Variants in FBXO10 observed in about 807,000 individuals in gnomAD.
FBXO10 encodes the protein F-box only protein 10.
In FBXO10, 39 loss-of-function variants were observed where a neutral mutation model predicts 80.7. The observed-to-expected ratio is 0.48, with a 90% CI of 0.37 to 0.63. The LOEUF (loss-of-function observed/expected upper bound fraction) is 0.63, where lower values mean the gene tolerates loss of function less well. Ranked by LOEUF, FBXO10 falls within the 30% of genes least tolerant of loss-of-function variation. The probability of loss-of-function intolerance (pLI) is 0.00; values close to 1 mark genes in which losing one functional copy is unlikely to be tolerated. For missense variants in FBXO10, 1,025 were observed against 1,269.0 expected (o/e 0.81, Z 2.92); for synonymous variants, 449 against 489.6 (o/e 0.92, Z 1.09).
chr9:37,571,543 C>T (rs1281757926), intron 1 of FBXO10, among the ~76,000 whole-genome samples: 1 of 151,652 alleles, frequency 6.6e-6, no homozygotes, highest in Admixed American at 6.6e-5. Flanking sequence ...CAGAAAACTG[C>T]AACTGCCCCC....
At chr9:37,513,522 C>T (rs1821113116) in intron 10 of FBXO10, among the ~76,000 whole-genome samples, 1 of 152,048 alleles carries the variant, frequency 6.6e-6, no homozygotes, top group East Asian at 1.9e-4. Context: ...GTGAAAGAAG[C>T]CAGACTCAAA....
At chr9:37,537,982 G>A in intron 2 of FBXO10, 39 bp from the exon 3 acceptor site, 3 of 1,561,642 alleles carry the variant, frequency 1.9e-6, no homozygotes, top group Non-Finnish European at 2.6e-6. Context: ...TAAGAGGGAT[G>A]AGATTGGTTT....
intron 6 of FBXO10, 73 bp from the exon 7 acceptor site, chr9:37,523,050 G>T: frequency 6.5e-7 from 1 of 1,531,574 alleles, no homozygotes. Flanking sequence ...GACTTGGACA[G>T]TTTTGATCAA....
In FBXO10 at chr9:37,521,574, T is replaced by C. The variant is rs756298208; in HGVS notation, c.2195A>G (p.Asn732Ser). ...ALVESNSINH[N>S]GASGLYVQSS... ...GGCTGAGGGGGTATACTCACCTCCA[T>C]TGTGATTAATACTGTTAGACTCAAC... is the stretch of plus-strand genomic sequence containing the variant. The change falls in exon 8 of 11, where the codon AAT becomes AGT. Residue 732 changes from asparagine to serine, a missense_variant. Transcript: ENST00000432825. 3 of 1,605,948 alleles carry C rather than the reference T, an allele frequency of 1.9e-6. No individual in the cohort carries two copies. The highest frequency in any genetic ancestry group is 2.6e-6 in the Non-Finnish European group (3 of 1,174,572).
chr9:37,542,607 A>AG (rs1821951951), intron 1 of FBXO10, among the ~76,000 whole-genome samples: 2 of 151,666 alleles, frequency 1.3e-5, no homozygotes. Flanking sequence ...AAAAAAAAAA[A>AG]AAAAAGGATA....
Position 37,512,691 on chromosome 9 carries a change from T to C in FBXO10, c.2727A>G (p.Pro909=). ...GAGAATTTTCAAGGTGGGGCCGTGC[T>C]GGTGGGTTCACCAGGCGCCACGTAT... ...KSDTWRLVNP[P]ARPHLENSLR... The change falls in exon 11 of 11, where the codon CCA becomes CCG. Residue 909 remains proline, a synonymous_variant. Transcript: ENST00000432825. 1 of 1,613,994 alleles carries C rather than the reference T, an allele frequency of 6.2e-7. No individual in the cohort carries two copies. Among genetic ancestry groups the C allele is most frequent in the Non-Finnish European group, 8.5e-7 (1 of 1,179,884 alleles).
At chr9:37,520,272 A>AC (rs1554756792) in intron 8 of FBXO10, among the ~76,000 whole-genome samples, 16 of 110,082 alleles carry the variant, frequency 1.5e-4, no homozygotes, top group African/African-American at 5.5e-4. Context: ...CACAGTAATT[A>AC]TTTTTTTTTA....
chr9:37,573,831 T>C (rs1423539810), intron 1 of FBXO10, among the ~76,000 whole-genome samples: 4 of 152,246 alleles, frequency 2.6e-5, no homozygotes, highest in African/African-American at 4.8e-5. Flanking sequence ...CATTCCTTTA[T>C]GTATACAGTA....
At chr9:37,522,476 T>C (rs1227552932) in intron 7 of FBXO10, 31 of 1,051,164 alleles carry the variant, frequency 2.9e-5, no homozygotes, top group Non-Finnish European at 3.6e-5. Flanking sequence ...TTTCCCATTA[T>C]ATTTTCCGTT....
Position 37,537,359 on chromosome 9 carries a change from C to A in FBXO10, c.1170G>T (p.Leu390=), listed in dbSNP as rs1305008932. The A allele has an allele frequency of 6.3e-7, 1 of 1,599,372 alleles. No individual in the cohort carries two copies. Among genetic ancestry groups the A allele is most frequent in the South Asian group, 1.1e-5 (1 of 89,564 alleles). The change falls in exon 3 of 11, where the codon CTG becomes CTT. Residue 390 remains leucine (L), a synonymous_variant. Coordinates refer to ENST00000432825, the MANE Select transcript of FBXO10 (RefSeq NM_012166.3). Reference sequence around the variant, plus strand: ...TGGATGCTCCTGGTAGAGGTGGGCCCAGAAATGAGCCCCCCAATACAGGGC... The same window carrying A: ...TGGATGCTCCTGGTAGAGGTGGGCCAAGAAATGAGCCCCCCAATACAGGGC... ...GPRPVLGGSF[L]GPPLPGASIQ...
At chr9:37,568,388 G>A (rs1002865850) in intron 1 of FBXO10, among the ~76,000 whole-genome samples, 1 of 151,890 alleles carries the variant, frequency 6.6e-6, no homozygotes, top group Non-Finnish European at 1.5e-5. Flanking sequence ...AGTAGAGATG[G>A]GGTTTCACCG....
chr9:37,521,544 G>A (rs374984506), intron 8 of FBXO10, 25 bp downstream of exon 8: 4 of 1,534,684 alleles, frequency 2.6e-6, no homozygotes, highest in Non-Finnish European at 3.5e-6. Context: ...AGGTTCTTGA[G>A]CAGGGGCTGA....
chr9:37,532,938 C>T (rs1821666833), intron 3 of FBXO10, among the ~76,000 whole-genome samples: 2 of 152,230 alleles, frequency 1.3e-5, no homozygotes, highest in Admixed American at 1.3e-4. Flanking sequence ...AGGTTCTCCT[C>T]TCCCACCTTC....
chr9:37,525,460 A>C (rs973987022), intron 5 of FBXO10, among the ~76,000 whole-genome samples: 2 of 152,206 alleles, frequency 1.3e-5, no homozygotes, highest in Non-Finnish European at 2.9e-5. Flanking sequence ...GCTTGACCAA[A>C]AACTAAACCC....
chr9:37,570,424 T>C (rs1408240374), intron 1 of FBXO10, among the ~76,000 whole-genome samples: 1 of 149,370 alleles, frequency 6.7e-6, no homozygotes, highest in Non-Finnish European at 1.5e-5. Flanking sequence ...ATAGAGAGAA[T>C]CAAAAAGATA....
At chr9:37,569,753 T>C (rs1464008127) in intron 1 of FBXO10, among the ~76,000 whole-genome samples, 2 of 152,200 alleles carry the variant, frequency 1.3e-5, no homozygotes, top group Non-Finnish European at 2.9e-5. Flanking sequence ...GGAGGATTGC[T>C]TGAGCCAGGA....
chr9:37,520,313 C>CTTTTT (rs11309075), intron 8 of FBXO10, among the ~76,000 whole-genome samples: 1 of 110,936 alleles, frequency 9.0e-6, no homozygotes, highest in African/African-American at 3.6e-5. Context: ...CTTCTACCAT[C>CTTTTT]TTTTTTTTTT....
rs1385231923 is a variant in FBXO10 at position 37,541,513 on chromosome 9, T to C, written c.256A>G (p.Thr86Ala). Residue 86 changes from threonine to alanine, a missense_variant, in exon 2 of 11, where the codon ACC (threonine) becomes GCC (alanine). Thr to Ala is a moderately conservative substitution (Grantham distance 58). Around this residue, in one of 3 missense-constraint regions of FBXO10, gnomAD observed 450 missense variants for 499.4 expected, o/e 0.90. Transcript: ENST00000432825. ...GACTCCAAGTCCAAGGCATTCTTGGTCCATGTCTTGGATGCAAGGTAATGC... is the reference window on the plus strand; with the variant it reads ...GACTCCAAGTCCAAGGCATTCTTGGCCCATGTCTTGGATGCAAGGTAATGC... Reference protein sequence around the residue: ...KQHYLASKTWTKNALDLESSI... With the variant: ...KQHYLASKTWAKNALDLESSI... 1 of 1,613,854 alleles carries C rather than the reference T, an allele frequency of 6.2e-7. No individual in the cohort carries two copies. Among genetic ancestry groups the C allele is most frequent in the Non-Finnish European group, 8.5e-7 (1 of 1,179,850 alleles).
intron 10 of FBXO10, 62 bp downstream of exon 10, chr9:37,515,842 G>T: frequency 6.5e-7 from 1 of 1,544,184 alleles, no homozygotes. Context: ...GTGTGGGCCT[G>T]GCTTCTTCAG....
Sources: gnomAD v4.1 joint callset for allele counts (sites outside exome capture counted in the v4.1 genomes callset) on GRCh38, gnomAD v4.1.1 for gene constraint, gnomAD v4.1.1 regional missense constraint, MANE v1.5 for transcripts, NCBI Gene and HGNC (gene_info 2026-07-23, HGNC 2026-07-21) for gene names.